Variants in TPO observed in about 807,000 individuals in gnomAD.
The protein encoded by TPO is thyroid peroxidase, also known as thyroid microsomal antigen.
TPO carries 78 observed loss-of-function variants against 96.9 expected under a neutral mutation model. The ratio of observed to expected loss-of-function variants is 0.81; its 90% CI spans 0.67 to 0.97. The LOEUF (loss-of-function observed/expected upper bound fraction) is 0.97, where lower values mean the gene tolerates loss of function less well. TPO is among the 50% of genes least tolerant of loss of function. The probability of loss-of-function intolerance (pLI) is 0.00; values close to 1 mark genes in which losing one functional copy is unlikely to be tolerated. For missense variants in TPO, 1,252 were observed against 1,274.8 expected (o/e 0.98, Z 0.27); for synonymous variants, 547 against 538.0 (o/e 1.02, Z -0.23).
At chr2:1,414,257 G>A (rs1388867906) in intron 1 of TPO, 151 bp from the exon 2 acceptor site, 9 of 742,440 alleles carry the variant, frequency 1.2e-5, no homozygotes, top group Admixed American at 4.1e-5. Flanking sequence ...CTCTGGTCTC[G>A]CAGACCCCAG....
intron 2 of TPO, among the ~76,000 whole-genome samples, chr2:1,420,010 C>T (rs749209214): frequency 2.0e-5 from 3 of 152,152 alleles, no homozygotes; most frequent in African/African-American, 4.8e-5. Context: ...AAAACACCAC[C>T]GGTTCCAGTA....
intron 9 of TPO, 27 bp from the exon 10 acceptor site, chr2:1,487,794 C>T (rs370800369): frequency 2.5e-6 from 4 of 1,614,124 alleles, no homozygotes; most frequent in Non-Finnish European, 3.4e-6. Flanking sequence ...CAAGAGCTGT[C>T]CTTGCCTTGT....
chr2:1,542,176 C>T, intron 16 of TPO: 2 of 600,646 alleles, frequency 3.3e-6, no homozygotes, highest in African/African-American at 1.8e-5. Flanking sequence ...CTGCGGATTG[C>T]AGATCCCACT....
intron 2 of TPO, among the ~76,000 whole-genome samples, chr2:1,418,521 CTTTGAAAA>C (rs1171653035): frequency 6.6e-6 from 1 of 152,028 alleles, no homozygotes; most frequent in Non-Finnish European, 1.5e-5. Context: ...TAATAAGAGT[CTTTGAAAA>C]TGGAAAAAAA....
intron 5 of TPO, among the ~76,000 whole-genome samples, chr2:1,443,043 C>G (rs891276116): frequency 2.0e-5 from 3 of 152,190 alleles, no homozygotes; most frequent in Non-Finnish European, 4.4e-5. Context: ...CAAGACCAGC[C>G]TGGGCAACAA....
chr2:1,462,133 G>A (rs1668504874), intron 7 of TPO, among the ~76,000 whole-genome samples: 1 of 152,172 alleles, frequency 6.6e-6, no homozygotes, highest in Admixed American at 6.5e-5. Context: ...GGGCAGGACT[G>A]GGGTTGACAG....
intron 10 of TPO, among the ~76,000 whole-genome samples, chr2:1,488,609 G>A (rs28911490): frequency 0.018 from 2,748 of 152,204 alleles, 87 homozygotes; most frequent in African/African-American, 0.063. Context: ...TAGGTGGTTC[G>A]GTTGTCTGGT....
In TPO at chr2:1,392,827, G is replaced by A. The variant is rs144660792; in HGVS notation, n.180+18425G>A. Among the ~76,000 whole-genome samples, 886 of 152,200 alleles carry A rather than the reference G, an allele frequency of 5.8e-3. 10 individuals carry two copies. The highest frequency in any genetic ancestry group is 0.01 in the Middle Eastern group (3 of 294). On this transcript the variant is annotated intron_variant and non_coding_transcript_variant, in intron 1 of 5. Transcript: ENST00000497517. Reference sequence around the variant, plus strand: ...CTGATGGTAGTTTGTATTATTGTGGGATTGGTGGTGATATCCCCTTTATCA... The same window carrying A: ...CTGATGGTAGTTTGTATTATTGTGGAATTGGTGGTGATATCCCCTTTATCA...
chr2:1,490,491 C>A (rs148391019), intron 10 of TPO, among the ~76,000 whole-genome samples: 1 of 134,846 alleles, frequency 7.4e-6, no homozygotes, highest in African/African-American at 2.6e-5. Context: ...GGGGGAGTCA[C>A]GACACAGCAG....
chr2:1,489,549 C>A (rs1330749167), intron 10 of TPO, among the ~76,000 whole-genome samples: 1 of 152,210 alleles, frequency 6.6e-6, no homozygotes, highest in Non-Finnish European at 1.5e-5. Context: ...TGGGTCCCCC[C>A]ATAGATCGTA....
intron 15 of TPO, among the ~76,000 whole-genome samples, chr2:1,522,396 A>G (rs372277498): frequency 2.9e-4 from 25 of 85,440 alleles, no homozygotes; most frequent in Admixed American, 7.8e-4. Flanking sequence ...CAGTCTCTCT[A>G]CCCCACACCT....
intron 1 of TPO, among the ~76,000 whole-genome samples, chr2:1,381,339 G>T (rs59866152): frequency 0.07 from 10,700 of 152,178 alleles, 949 homozygotes; most frequent in East Asian, 0.3. Context: ...CAAAAAGTGG[G>T]TGAAGGATAT....
chr2:1,461,859 A>G (rs534117698), intron 7 of TPO, among the ~76,000 whole-genome samples: 61 of 152,192 alleles, frequency 4.0e-4, no homozygotes, highest in Non-Finnish European at 6.6e-4. Context: ...GGACGAGGGC[A>G]GGGGGGGCCG....
intron 15 of TPO, among the ~76,000 whole-genome samples, chr2:1,525,116 A>G (rs1420059252): frequency 1.1e-5 from 1 of 90,358 alleles, no homozygotes; most frequent in Admixed American, 1.4e-4. Flanking sequence ...AAATCCCCAA[A>G]CTGTGTGCAA....
intron 5 of TPO, 63 bp from the exon 6 acceptor site, chr2:1,453,631 G>A: frequency 6.2e-7 from 1 of 1,612,612 alleles, no homozygotes; most frequent in East Asian, 2.2e-5. Context: ...CTTATATCTG[G>A]AACTCACTGC....
chr2:1,482,827 C>T (rs1670774209), intron 8 of TPO, among the ~76,000 whole-genome samples: 1 of 152,138 alleles, frequency 6.6e-6, no homozygotes, highest in Non-Finnish European at 1.5e-5. Context: ...GTGTACACCA[C>T]CACACCTGGC....
chr2:1,480,336 C>T lies in TPO; in HGVS notation c.1338+2732C>T, dbSNP rs545457750. 9.2e-5 allele frequency among the ~76,000 whole-genome samples: 14 copies of T among 151,984 alleles called. No individual in the cohort carries two copies. The East Asian group carries it at 1.5e-3, about 17-fold the overall frequency. On this transcript the variant is annotated intron_variant, in intron 8 of 16. Coordinates refer to ENST00000329066, the MANE Select transcript of TPO (RefSeq NM_001206744.2). Reference sequence around the variant, plus strand: ...AAATAATAAGTTGTGTTTAACGTGTCGATAGAGCCACTGCTGCGACTTCTA... The same window carrying T: ...AAATAATAAGTTGTGTTTAACGTGTTGATAGAGCCACTGCTGCGACTTCTA...
chr2:1,542,598 G>A lies in TPO; in HGVS notation c.*124G>A. ...TGTTTTCCCAACACGGGTAAATCTA[G>A]TACCATGTCGTAGTTACTCTCAGGC... is the stretch of plus-strand genomic sequence containing the variant. On this transcript the variant is annotated 3_prime_UTR_variant, in exon 17 of 17. Transcript: ENST00000329066. 2 of 1,556,638 alleles carry A rather than the reference G, an allele frequency of 1.3e-6. No homozygotes were observed. The highest frequency in any genetic ancestry group is 2.4e-5 in the East Asian group (1 of 41,452).
chr2:1,413,738 G>T (rs1662592114), intron 1 of TPO, 193 bp downstream of exon 1: 2 of 985,338 alleles, frequency 2.0e-6, no homozygotes, highest in Admixed American at 6.1e-5. Flanking sequence ...GTCCTGTAGG[G>T]TCGATTCCTA....
Sources: allele counts gnomAD v4.1 joint callset (sites outside exome capture counted in the v4.1 genomes callset), GRCh38; gene constraint gnomAD v4.1.1; transcripts MANE v1.5; gene names NCBI Gene and HGNC (gene_info 2026-07-23, HGNC 2026-07-21).